Variants in ADK observed in about 807,000 individuals in gnomAD.
ADK encodes the protein adenosine kinase.
In ADK, 24 loss-of-function variants were observed where a neutral mutation model predicts 44.7. The ratio of observed to expected loss-of-function variants is 0.54; its 90% confidence interval spans 0.39 to 0.76. The LOEUF (loss-of-function observed/expected upper bound fraction) is 0.76. Among genes scored for constraint, ADK ranks in the 30% least tolerant of loss-of-function variants. The pLI, the probability that ADK is intolerant of heterozygous loss-of-function variation, is 0.00. For missense variants in ADK, 321 were observed against 425.1 expected, an observed-to-expected ratio of 0.76 and a Z score of 2.15; for synonymous variants, 128 against 142.6, an observed-to-expected ratio of 0.90 and a Z score of 0.73.
rs190998624 is a variant in ADK at position 74,216,747 on chromosome 10, A to G, written c.141-7791A>G. ...CTCAAAAAAAAAAATAAAAAAAAAA[A>G]AGTTTCACAGACAAAATATGAATCA... On this transcript the variant is annotated intron_variant, in intron 2 of 10. Transcript: ENST00000539909. 3.9e-3 allele frequency among the ~76,000 whole-genome samples: 597 copies of G among 152,122 alleles called. 1 individual carries two copies. Among genetic ancestry groups the G allele is most frequent in the African/African-American group, 0.013 (560 of 41,482 alleles).
chr10:74,465,103 G>T (rs1039335035), intron 6 of ADK, among the ~76,000 whole-genome samples: 1 of 152,088 alleles, frequency 6.6e-6, no homozygotes, highest in African/African-American at 2.4e-5. Context: ...ACAGAAAAGA[G>T]TGTTCAGGTC....
At chr10:74,559,427 A>G (rs1246044185) in intron 7 of ADK, among the ~76,000 whole-genome samples, 2 of 152,244 alleles carry the variant, frequency 1.3e-5, no homozygotes, top group Admixed American at 6.5e-5. Context: ...GTGGTATTAT[A>G]TGAATACATC....
intron 1 of ADK, among the ~76,000 whole-genome samples, chr10:74,169,794 T>C (rs889160676): frequency 6.6e-6 from 1 of 152,232 alleles, no homozygotes; most frequent in African/African-American, 2.4e-5. Flanking sequence ...CATTAAAATT[T>C]ATCAACTCCT....
chr10:74,186,555 C>T (rs1284753853), intron 1 of ADK, among the ~76,000 whole-genome samples: 3 of 151,922 alleles, frequency 2.0e-5, no homozygotes, highest in Non-Finnish European at 2.9e-5. Flanking sequence ...CCACCCACCT[C>T]GGCCTTCCAA....
intron 3 of ADK, among the ~76,000 whole-genome samples, chr10:74,285,680 C>CAAACA (rs571489372): frequency 0.012 from 1,788 of 151,996 alleles, 38 homozygotes; most frequent in African/African-American, 0.041. Flanking sequence ...GACCCTGTCT[C>CAAACA]AAACAAAACA....
At chr10:74,618,532 G>A (rs192307523) in intron 9 of ADK, among the ~76,000 whole-genome samples, 17 of 151,980 alleles carry the variant, frequency 1.1e-4, no homozygotes, top group Middle Eastern at 3.4e-3. Context: ...CAAGTGATCC[G>A]CCCGCCTCGG....
chr10:74,671,459 G>T (rs894945695), intron 10 of ADK, among the ~76,000 whole-genome samples: 1 of 152,138 alleles, frequency 6.6e-6, no homozygotes, highest in Non-Finnish European at 1.5e-5. Context: ...GATGCCCCAT[G>T]CCCTTGTTCT....
At chr10:74,460,609 G>T (rs1453379345) in intron 6 of ADK, among the ~76,000 whole-genome samples, 1 of 152,054 alleles carries the variant, frequency 6.6e-6, no homozygotes, top group Non-Finnish European at 1.5e-5. Context: ...CAATGTAAAT[G>T]ATTTTGTCTC....
chr10:74,323,574 C>CTTTTTT (rs869227224), intron 4 of ADK, among the ~76,000 whole-genome samples: 1 of 143,730 alleles, frequency 7.0e-6, no homozygotes, highest in Non-Finnish European at 1.5e-5. Context: ...CTTTTCTTTT[C>CTTTTTT]TTTTTTTTTT....
intron 10 of ADK, among the ~76,000 whole-genome samples, chr10:74,676,045 A>T (rs1322955178): frequency 2.1e-4 from 3 of 14,284 alleles, no homozygotes; most frequent in East Asian, 2.1e-3. Context: ...TCTTAGAATT[A>T]AAAAAAAAAA....
chr10:74,656,204 C>CG, intron 9 of ADK: 1 of 226,636 alleles, frequency 4.4e-6, no homozygotes, highest in Non-Finnish European at 8.8e-6. Flanking sequence ...TCTCTGCAAC[C>CG]CAGGAGAGGC....
intron 9 of ADK, among the ~76,000 whole-genome samples, chr10:74,618,535 C>T (rs1589302720): frequency 2.0e-5 from 3 of 152,194 alleles, no homozygotes; most frequent in African/African-American, 4.8e-5. Context: ...GTGATCCGCC[C>T]GCCTCGGCCT....
At chr10:74,300,559 AG>A (rs1243797436) in intron 3 of ADK, among the ~76,000 whole-genome samples, 1 of 151,810 alleles carries the variant, frequency 6.6e-6, no homozygotes, top group African/African-American at 2.4e-5. Flanking sequence ...TTGTATTTTT[AG>A]TAGAGACAGG....
At chr10:74,474,815 C>CAG (rs1403201594) in intron 6 of ADK, among the ~76,000 whole-genome samples, 15 of 152,182 alleles carry the variant, frequency 9.9e-5, no homozygotes, top group Non-Finnish European at 1.8e-4. Flanking sequence ...TGAGCCACTA[C>CAG]ACCTGGTTTG....
intron 7 of ADK, among the ~76,000 whole-genome samples, chr10:74,553,596 CAAG>C (rs1377271219): frequency 6.6e-6 from 1 of 152,104 alleles, no homozygotes; most frequent in Non-Finnish European, 1.5e-5. Context: ...TTATGTTGAA[CAAG>C]AAGAGTCAGA....
chr10:74,585,618 A>C (rs1218438730), intron 7 of ADK, among the ~76,000 whole-genome samples: 1 of 152,134 alleles, frequency 6.6e-6, no homozygotes, highest in Non-Finnish European at 1.5e-5. Context: ...TTATTTCCTT[A>C]ATCCCTCCTC....
At chr10:74,438,191 A>G (rs1845251060) in intron 6 of ADK, among the ~76,000 whole-genome samples, 2 of 150,792 alleles carry the variant, frequency 1.3e-5, no homozygotes, top group South Asian at 4.2e-4. Flanking sequence ...TCCTCCTAGA[A>G]TGCCAGCTAA....
At chr10:74,369,172 C>T (rs1363363104) in intron 4 of ADK, among the ~76,000 whole-genome samples, 1 of 152,068 alleles carries the variant, frequency 6.6e-6, no homozygotes, top group Admixed American at 6.5e-5. Flanking sequence ...GCCAAGACAA[C>T]ATGGCAAATT....
chr10:74,282,404 G>A (rs1401535149), intron 3 of ADK, among the ~76,000 whole-genome samples: 1 of 152,166 alleles, frequency 6.6e-6, no homozygotes, highest in Non-Finnish European at 1.5e-5. Context: ...AGGGGTTTAA[G>A]CATATGGATT....
Sources: gnomAD v4.1 joint callset for allele counts (sites outside exome capture counted in the v4.1 genomes callset) on GRCh38, gnomAD v4.1.1 for gene constraint, MANE v1.5 for transcripts, NCBI Gene and HGNC (gene_info 2026-07-23, HGNC 2026-07-21) for gene names.